Variants in SKI observed in about 807,000 individuals in gnomAD.
The protein encoded by SKI is SKI proto-oncogene.
SKI carries 23 observed loss-of-function variants against 59.3 expected under a neutral mutation model. That is an observed-to-expected ratio of 0.39 (90% CI 0.28 to 0.55). SKI has a LOEUF of 0.55. SKI is among the 20% of genes least tolerant of loss of function. The pLI, the probability that SKI is intolerant of heterozygous loss-of-function variation, is 0.67. For missense variants in SKI, 1,017 were observed against 1,038.9 expected (o/e 0.98, Z 0.29); for synonymous variants, 673 against 488.6 (o/e 1.38, Z -4.98).
At chr1:2,286,164 G>A (rs1447766774) in intron 1 of SKI, among the ~76,000 whole-genome samples, 2 of 152,182 alleles carry the variant, frequency 1.3e-5, no homozygotes, top group East Asian at 1.9e-4. Context: ...GGGCCACCAC[G>A]CCCAGCCTAC....
rs1423873507 is a variant in SKI, at chr1:2,290,645, T to C, written c.970-12333T>C. Among the ~76,000 whole-genome samples the C allele has an allele frequency of 2.0e-5, 3 of 151,928 alleles. No individual in the cohort carries two copies. The East Asian group carries it at 5.8e-4, about 30-fold the overall frequency. ...CGCTGGGGGCAAGCGATGCCTTCTG[T>C]GGTTTGAGGTCTTGTAGGCAGGAGG... On this transcript the variant is annotated intron_variant, in intron 1 of 6. Transcript: ENST00000378536.
rs1405486027 is a variant in SKI, at chr1:2,230,539, T to G, written c.969+804T>G. On this transcript the variant is annotated intron_variant, in intron 1 of 6. Transcript: ENST00000378536. ...CTTTGGACTCACCCATTTCCTTCTCTCCCTCTGAAACGCAGAGGGGTGCGC... is the reference window on the plus strand; with the variant it reads ...CTTTGGACTCACCCATTTCCTTCTCGCCCTCTGAAACGCAGAGGGGTGCGC... 2.0e-5 allele frequency among the ~76,000 whole-genome samples: 3 copies of G among 152,068 alleles called. No individual in the cohort carries two copies. The East Asian group carries it at 5.8e-4, about 29-fold the overall frequency.
At chr1:2,240,764 A>G in intron 1 of SKI, 1 of 985,470 alleles carries the variant, frequency 1.0e-6, no homozygotes, top group Non-Finnish European at 1.2e-6. Context: ...GGAGGGGAGA[A>G]GCACAGCATC....
At chr1:2,234,192 A>T (rs1032590579) in intron 1 of SKI, among the ~76,000 whole-genome samples, 1 of 152,036 alleles carries the variant, frequency 6.6e-6, no homozygotes, top group Non-Finnish European at 1.5e-5. Context: ...CAGCAGCTCG[A>T]GAGTGGTTCT....
chr1:2,282,562 G>T (rs550941375), intron 1 of SKI, among the ~76,000 whole-genome samples: 2 of 152,364 alleles, frequency 1.3e-5, no homozygotes, highest in Non-Finnish European at 2.9e-5. Context: ...GAGTTCCATA[G>T]TGGGCGGGTG....
At chr1:2,294,786 C>T (rs765956917) in intron 1 of SKI, among the ~76,000 whole-genome samples, 1 of 152,228 alleles carries the variant, frequency 6.6e-6, no homozygotes, top group African/African-American at 2.4e-5. Flanking sequence ...CTCAGGCCCC[C>T]GTCTGCCAGT....
chr1:2,294,914 GT>G (rs1389506630), intron 1 of SKI, among the ~76,000 whole-genome samples: 1 of 152,244 alleles, frequency 6.6e-6, no homozygotes, highest in African/African-American at 2.4e-5. Context: ...CGCCCACCCA[GT>G]GGGGCCCCTC....
At position 2,228,791 on chromosome 1, in the gene SKI, G is replaced by C; in HGVS notation, c.25G>C (p.Gly9Arg). The part of the protein sequence containing the change: MEAAAGGR[G>R]CFQPHPGLQK... ...CATGGAGGCGGCGGCAGGCGGCCGC[G>C]GCTGTTTCCAGCCGCACCCGGGGCT... The change falls in exon 1 of 7, where the codon GGC becomes CGC. Residue 9 changes from glycine to arginine, a missense_variant. Gly to Arg is a moderately radical substitution (Grantham distance 125). Coordinates refer to ENST00000378536, the MANE Select transcript of SKI (RefSeq NM_003036.4). The C allele has an allele frequency of 1.5e-6, 2 of 1,318,580 alleles. No homozygotes were observed. Among genetic ancestry groups the C allele is most frequent in the East Asian group, 3.9e-5 (1 of 25,502 alleles). The allele number at this position is 1,318,580 out of a possible 1,614,324, so 81.7% of individuals were successfully genotyped here.
At chr1:2,299,736 C>T (rs937989370) in intron 1 of SKI, among the ~76,000 whole-genome samples, 1 of 152,182 alleles carries the variant, frequency 6.6e-6, no homozygotes, top group Non-Finnish European at 1.5e-5. Context: ...GATGGGCCAG[C>T]GTTTCGCCCT....
At chr1:2,286,107 C>T (rs998302935) in intron 1 of SKI, among the ~76,000 whole-genome samples, 4 of 151,970 alleles carry the variant, frequency 2.6e-5, no homozygotes, top group Admixed American at 6.6e-5. Flanking sequence ...CTCCTGACCT[C>T]GTCGTCCACC....
chr1:2,231,823 C>T (rs986958955), intron 1 of SKI, among the ~76,000 whole-genome samples: 1 of 152,232 alleles, frequency 6.6e-6, no homozygotes, highest in African/African-American at 2.4e-5. Context: ...GGCACCCATC[C>T]TGCCCGTGTT....
At chr1:2,299,650 C>T (rs575323300) in intron 1 of SKI, among the ~76,000 whole-genome samples, 8 of 152,296 alleles carry the variant, frequency 5.3e-5, no homozygotes, top group African/African-American at 9.6e-5. Context: ...GCAGCCCCCA[C>T]TCATGTTGTG....
In SKI at chr1:2,308,497, C is replaced by T. The variant is rs971257175; in HGVS notation, c.*1732C>T. ...TTCTGTGTGCATGGATTCCACACCT[C>T]TGCCGTAGGTAGATCCGTCAGCGGG... On this transcript the variant is annotated 3_prime_UTR_variant, in exon 7 of 7. Transcript: ENST00000378536. 1 of 152,320 alleles carries T rather than the reference C, an allele frequency of 6.6e-6. No individual in the cohort carries two copies. Among genetic ancestry groups the T allele is most frequent in the Middle Eastern group, 3.4e-3 (1 of 292 alleles). 9.4% of individuals were successfully genotyped at this position (152,320 alleles called of 1,614,324 possible). A position where few individuals can be genotyped will look rare whatever the true frequency, so the allele number is the denominator to read the frequency against.
At position 2,267,404 on chromosome 1, in the gene SKI, C is replaced by T. The variant is rs1023030731; in HGVS notation, c.970-35574C>T. ...CAAGGAAGGGGTGTGTTGACAGGGC[C>T]GTTCGGGCCGGAGCAGGTGCGACAG... On this transcript the variant is annotated intron_variant, in intron 1 of 6. Coordinates refer to ENST00000378536, the MANE Select transcript of SKI (RefSeq NM_003036.4). The surrounding 1 kb of genome is among the most constrained non-coding windows in gnomAD (Gnocchi z 4.1). Among the ~76,000 whole-genome samples, 2 of 152,136 alleles carry T rather than the reference C, an allele frequency of 1.3e-5. No individual in the cohort carries two copies. The highest frequency in any genetic ancestry group is 6.5e-5 in the Admixed American group (1 of 15,282).
rs1396553240 is a variant in SKI, at chr1:2,309,704, G to GCC, written c.*2945_*2946dup. 2 of 23,022 alleles carry GCC rather than the reference G, an allele frequency of 8.7e-5. No homozygotes were observed. The highest frequency in any genetic ancestry group is 6.5e-4 in the Admixed American group (1 of 1,528). The allele number at this position is 23,022 out of a possible 1,614,324, so 1.4% of individuals were successfully genotyped here. Reference sequence around the variant, plus strand: ...CTCCTCCCTGTGGGTCCGAACCCCGGCCCCCCCACCCCCTCCTCCCTGTGG... The same window carrying GCC: ...CTCCTCCCTGTGGGTCCGAACCCCGGCCCCCCCCCACCCCCTCCTCCCTGTGG... On this transcript the variant is annotated 3_prime_UTR_variant, in exon 7 of 7. Coordinates refer to ENST00000378536, the MANE Select transcript of SKI (RefSeq NM_003036.4).
intron 1 of SKI, among the ~76,000 whole-genome samples, chr1:2,230,758 A>C (rs563163001): frequency 5.8e-4 from 89 of 152,274 alleles, no homozygotes; most frequent in African/African-American, 2.1e-3. Flanking sequence ...GCACACACAG[A>C]ATGCTGCATT....
chr1:2,278,813 G>A (rs1295865592), intron 1 of SKI, among the ~76,000 whole-genome samples: 3 of 152,254 alleles, frequency 2.0e-5, no homozygotes, highest in Admixed American at 6.5e-5. Context: ...GCACCCATGC[G>A]CACACGTGCA....
intron 1 of SKI, among the ~76,000 whole-genome samples, chr1:2,246,328 T>TCCTCTTTGAGGAATGTCTGAGTC (rs1372813081): frequency 2.0e-5 from 3 of 152,220 alleles, no homozygotes; most frequent in Non-Finnish European, 4.4e-5. Flanking sequence ...CACTCCTATA[T>TCCTCTTTGAGGAATGTCTGAGTC]CCTCTTTGAG....
chr1:2,278,921 A>G (rs565645082), intron 1 of SKI, among the ~76,000 whole-genome samples: 1 of 152,230 alleles, frequency 6.6e-6, no homozygotes, highest in Non-Finnish European at 1.5e-5. Flanking sequence ...CCCCCCATCC[A>G]ATTTCCCATG....
Sources: gnomAD v4.1 joint callset for allele counts (sites outside exome capture counted in the v4.1 genomes callset) on GRCh38, gnomAD v4.1.1 for gene constraint, Gnocchi (gnomAD v3.1) non-coding constraint, MANE v1.5 for transcripts, NCBI Gene and HGNC (gene_info 2026-07-23, HGNC 2026-07-21) for gene names.